The following ADAM23 variants were observed in gnomAD, a reference collection of about 807,000 sequenced individuals.
The protein encoded by ADAM23 is ADAM metallopeptidase domain 23.
Under a neutral mutation model 120.1 loss-of-function variants are expected in ADAM23, and 33 were observed. The observed-to-expected ratio is 0.27, with a 90% CI of 0.21 to 0.37. The LOEUF (loss-of-function observed/expected upper bound fraction) is 0.37, where lower values mean the gene tolerates loss of function less well. ADAM23 is among the 10% of genes least tolerant of loss of function. The pLI is 1.00. For synonymous variants in ADAM23, 367 were observed against 375.2 expected (o/e 0.98, Z 0.25); for missense variants, 862 against 1,058.2 (o/e 0.81, Z 2.57).
chr2:206,477,889 A>ATATATATATAT lies in ADAM23; in HGVS notation c.433-3343_433-3342insTATATATATAT, dbSNP rs371133867. On this transcript the variant is annotated intron_variant, in intron 2 of 25. Transcript: ENST00000264377. Reference sequence around the variant, plus strand: ...CAAGCCAATATTCTGTTAAAAAAAAAAAAAAAAAATATATATATATATATA... The same window carrying ATATATATATAT: ...CAAGCCAATATTCTGTTAAAAAAAAATATATATATATAAAAAAAAATATATATATATATATA... Among the ~76,000 whole-genome samples the ATATATATATAT allele has an allele frequency of 3.9e-4, 21 of 54,490 alleles. 1 individual carries two copies. The highest frequency in any genetic ancestry group is 1.3e-3 in the South Asian group (3 of 2,224). The allele number at this position is 54,490 out of a possible 152,430, so 35.7% of individuals were successfully genotyped here. A position where few individuals can be genotyped will look rare whatever the true frequency, so the allele number is the denominator to read the frequency against.
intron 4 of ADAM23, among the ~76,000 whole-genome samples, chr2:206,537,804 C>G (rs769528279): frequency 1.3e-4 from 20 of 151,980 alleles, no homozygotes; most frequent in Non-Finnish European, 2.8e-4. Flanking sequence ...GAATTAATAG[C>G]CAGTTTTTTA....
intron 18 of ADAM23, among the ~76,000 whole-genome samples, chr2:206,585,988 T>C (rs1017781614): frequency 4.6e-5 from 7 of 152,198 alleles, no homozygotes; most frequent in Admixed American, 3.3e-4. Flanking sequence ...TTTGGGATGA[T>C]GATATTTGAG....
At chr2:206,489,655 ATG>A (rs770940764) in intron 3 of ADAM23, among the ~76,000 whole-genome samples, 2 of 152,144 alleles carry the variant, frequency 1.3e-5, no homozygotes, top group Non-Finnish European at 2.9e-5. Context: ...TGTGAGGAAG[ATG>A]TGATTATCCC....
intron 14 of ADAM23, among the ~76,000 whole-genome samples, chr2:206,565,886 C>T (rs570540688): frequency 6.6e-6 from 1 of 152,266 alleles, no homozygotes; most frequent in East Asian, 1.9e-4. Context: ...TGTTTTCTTC[C>T]ACCAGCCCTC....
chr2:206,513,434 C>T (rs894694931), intron 3 of ADAM23, among the ~76,000 whole-genome samples: 2 of 152,142 alleles, frequency 1.3e-5, no homozygotes, highest in African/African-American at 4.8e-5. Flanking sequence ...AAAGCTGAAT[C>T]CAGAGCATAT....
chr2:206,552,969 A>G (rs1055442305), intron 9 of ADAM23, among the ~76,000 whole-genome samples: 1 of 152,028 alleles, frequency 6.6e-6, no homozygotes, highest in African/African-American at 2.4e-5. Context: ...TGCCTGGCCT[A>G]TTATTACTAT....
At chr2:206,565,756 C>T (rs2105826313) in intron 14 of ADAM23, among the ~76,000 whole-genome samples, 1 of 152,282 alleles carries the variant, frequency 6.6e-6, no homozygotes, top group East Asian at 1.9e-4. Context: ...TTTCCTCACC[C>T]ATGTGCCTCT....
At chr2:206,604,787 C>T (rs1574562259) in intron 24 of ADAM23, among the ~76,000 whole-genome samples, 2 of 152,222 alleles carry the variant, frequency 1.3e-5, no homozygotes, top group Admixed American at 1.3e-4. Context: ...ATCTTTGTTT[C>T]GTTTCACTGT....
At chr2:206,542,276 C>A in intron 5 of ADAM23, 142 bp downstream of exon 5, 1 of 760,102 alleles carries the variant, frequency 1.3e-6, no homozygotes, top group Non-Finnish European at 2.3e-6. Context: ...GGCAATGTCC[C>A]TGTCCTCTTG....
chr2:206,557,137 T>C (rs570601204), intron 9 of ADAM23, among the ~76,000 whole-genome samples: 14 of 152,194 alleles, frequency 9.2e-5, no homozygotes, highest in African/African-American at 3.1e-4. Context: ...ACTGTGTTGC[T>C]TAGGCTGGTC....
chr2:206,478,436 A>G (rs1695828242), intron 2 of ADAM23, among the ~76,000 whole-genome samples: 3 of 152,100 alleles, frequency 2.0e-5, no homozygotes, highest in African/African-American at 7.2e-5. Context: ...ATAAACAGAT[A>G]TCTTGTTGCT....
At chr2:206,534,504 C>T (rs1437261582) in intron 4 of ADAM23, among the ~76,000 whole-genome samples, 5 of 151,334 alleles carry the variant, frequency 3.3e-5, no homozygotes, top group South Asian at 4.2e-4. Context: ...GTAGTGAGAA[C>T]ATTTAAGATC....
rs1050071401 is a variant in ADAM23 at position 206,530,897 on chromosome 2, T to C, written c.522T>C (p.Ser174=). Residue 174 remains serine, a synonymous_variant, in exon 4 of 26, where the codon TCT becomes TCC. Transcript: ENST00000264377. ...LDLILNNGLL[S]SDYVEIHYEN... is the part of the protein sequence containing the mutation. ...CTTTCCTTTGTAGTGGTTTGTTGTC[T>C]TCTGATTATGTGGAGATTCACTACG... is the stretch of plus-strand genomic sequence containing the variant. The C allele has an allele frequency of 5.0e-6, 8 of 1,613,854 alleles. No individual in the cohort carries two copies. Among genetic ancestry groups the C allele is most frequent in the Middle Eastern group, 1.6e-4 (1 of 6,080 alleles).
chr2:206,502,827 C>G (rs1292333519), intron 3 of ADAM23, among the ~76,000 whole-genome samples: 1 of 152,124 alleles, frequency 6.6e-6, no homozygotes, highest in South Asian at 2.1e-4. Flanking sequence ...TAGATCTCTA[C>G]TCAATACAAT....
At position 206,547,463 on chromosome 2, in the gene ADAM23, C is replaced by T; in HGVS notation, c.755C>T (p.Thr252Ile). 6.2e-7 allele frequency: 1 copy of T among 1,613,040 alleles called. No homozygotes were observed. Among genetic ancestry groups the T allele is most frequent in the Middle Eastern group, 1.7e-4 (1 of 6,056 alleles). The part of the protein sequence containing the change: ...STGRPHIIQK[T>I]LAGQYSKQMK... Reference sequence around the variant, plus strand: ...GGTCGACCACATATAATCCAGAAAACCTTGGCAGGACAGTATTCTAAGCAA... The same window carrying T: ...GGTCGACCACATATAATCCAGAAAATCTTGGCAGGACAGTATTCTAAGCAA... The change falls in exon 7 of 26, where the codon ACC (threonine) becomes ATC (isoleucine). Residue 252 changes from threonine (T) to isoleucine (I), a missense_variant. Physicochemically the swap from Thr to Ile is moderately conservative, Grantham distance 89. Transcript: ENST00000264377.
At chr2:206,607,048 A>G (rs1698741913) in intron 24 of ADAM23, 1 of 152,218 alleles carries the variant, frequency 6.6e-6, no homozygotes. Flanking sequence ...CCAAAATAGC[A>G]TTAAGAGGGA....
intron 3 of ADAM23, among the ~76,000 whole-genome samples, chr2:206,497,689 A>G (rs544204694): frequency 3.3e-5 from 5 of 152,336 alleles, no homozygotes; most frequent in African/African-American, 1.2e-4. Flanking sequence ...AGGGCATTCA[A>G]TTAGGAATAG....
chr2:206,557,728 G>A (rs1045820568), intron 10 of ADAM23, among the ~76,000 whole-genome samples: 6 of 152,120 alleles, frequency 3.9e-5, no homozygotes, highest in East Asian at 1.9e-4. Context: ...TCTAAGTTGC[G>A]TCTATACATT....
intron 24 of ADAM23, among the ~76,000 whole-genome samples, chr2:206,599,997 C>T (rs926931059): frequency 2.0e-5 from 3 of 152,084 alleles, no homozygotes; most frequent in South Asian, 2.1e-4. Flanking sequence ...GTCAGGAGAT[C>T]GAGACCATCC....
Sources: gnomAD v4.1 joint callset for allele counts (sites outside exome capture counted in the v4.1 genomes callset) on GRCh38, gnomAD v4.1.1 for gene constraint, MANE v1.5 for transcripts, NCBI Gene and HGNC (gene_info 2026-07-23, HGNC 2026-07-21) for gene names.